DCAF8L2: variants seen among roughly 807,000 people sequenced by gnomAD.
The protein encoded by DCAF8L2 is DDB1- and CUL4-associated factor 8-like protein 2.
For synonymous variants in DCAF8L2, 200 were observed against 190.9 expected (o/e 1.05, Z -0.39); for missense variants, 430 against 490.7 (o/e 0.88, Z 1.17).
the DCAF8L2 span, among the ~76,000 whole-genome samples, chrX:27,538,042 G>T: frequency 4.4e-4 from 49 of 110,702 alleles, no homozygotes; most frequent in Non-Finnish European, 5.7e-5. Flanking sequence ...GTGTGATTAG[G>T]GTCTACAAAA....
intron 4 of DCAF8L2, among the ~76,000 whole-genome samples, chrX:27,731,512 G>A (rs1261632102): frequency 8.9e-6 from 1 of 111,736 alleles, no homozygotes; most frequent in African/African-American, 3.3e-5. Flanking sequence ...TCCTGGCAAA[G>A]ACCCTCTTCC....
At chrX:27,618,723 G>C (rs1927593891) in intron 1 of DCAF8L2, among the ~76,000 whole-genome samples, 1 of 111,267 alleles carries the variant, frequency 9.0e-6, no homozygotes, top group Non-Finnish European at 1.9e-5. Flanking sequence ...TTGTGTATGT[G>C]AAGTGATCAA....
At chrX:27,683,578 C>T (rs1161109578) in intron 3 of DCAF8L2, among the ~76,000 whole-genome samples, 1 of 112,156 alleles carries the variant, frequency 8.9e-6, no homozygotes, top group Admixed American at 9.5e-5. Context: ...GTACCATTTA[C>T]TTCCCTTTCC....
At position 27,747,502 on chromosome X, in the gene DCAF8L2, C is replaced by T. The variant is rs1186460612; in HGVS notation, c.607C>T (p.Arg203Cys). The T allele has an allele frequency of 5.9e-6, 7 of 1,177,604 alleles. No individual in the cohort carries two copies. Among genetic ancestry groups the T allele is most frequent in the Non-Finnish European group, 8.0e-6 (7 of 878,139 alleles). The change falls in exon 5 of 5, where the codon CGC (arginine) becomes TGC (cysteine). Residue 203 changes from arginine (R) to cysteine (C), a missense_variant. Physicochemically the swap from Arg to Cys is radical, Grantham distance 180. Coordinates refer to ENST00000451261, the MANE Select transcript of DCAF8L2 (RefSeq NM_001353450.2). ...LHQRQLGSRP[R>C]FVYEACGARA... ...CCAGCGGCAGCTGGGTTCACGTCCCCGCTTTGTATATGAGGCCTGTGGGGC... is the reference window on the plus strand; with the variant it reads ...CCAGCGGCAGCTGGGTTCACGTCCCTGCTTTGTATATGAGGCCTGTGGGGC...
chrX:27,497,134 A>G, the DCAF8L2 span, among the ~76,000 whole-genome samples: 48,001 of 109,681 alleles, frequency 0.44, 8,916 homozygotes, highest in South Asian at 0.67. Context: ...TATGATGATT[A>G]TTTTGTCCTG....
At chrX:27,520,532 A>G in the DCAF8L2 span, among the ~76,000 whole-genome samples, 1 of 111,979 alleles carries the variant, frequency 8.9e-6, no homozygotes, top group Non-Finnish European at 1.9e-5. Flanking sequence ...TTCATCAAAT[A>G]TCTTCTATTT....
At chrX:27,743,015 G>A (rs1921943820) in intron 4 of DCAF8L2, among the ~76,000 whole-genome samples, 1 of 112,196 alleles carries the variant, frequency 8.9e-6, no homozygotes, top group Non-Finnish European at 1.9e-5. Context: ...AGCTATGGAT[G>A]ATACCCATTT....
intron 3 of DCAF8L2, among the ~76,000 whole-genome samples, chrX:27,703,014 C>T (rs1277358159): frequency 9.0e-6 from 1 of 111,123 alleles, no homozygotes; most frequent in East Asian, 2.8e-4. Flanking sequence ...GATACAAAAC[C>T]AATACACAAA....
At chrX:27,522,922 C>G in the DCAF8L2 span, among the ~76,000 whole-genome samples, 5 of 111,654 alleles carry the variant, frequency 4.5e-5, no homozygotes, top group Non-Finnish European at 9.4e-5. Flanking sequence ...CTAGCCCGTT[C>G]ATGTACTCAT....
At chrX:27,472,639 G>A in the DCAF8L2 span, among the ~76,000 whole-genome samples, 2 of 111,182 alleles carry the variant, frequency 1.8e-5, no homozygotes, top group African/African-American at 3.3e-5. Context: ...GAGAACATGC[G>A]GTGTTTCGTT....
the DCAF8L2 span, among the ~76,000 whole-genome samples, chrX:27,547,845 T>TTTCTCTCTCTCTCTCTCTCTC: frequency 2.2e-5 from 1 of 46,288 alleles, no homozygotes; most frequent in African/African-American, 7.3e-5. Context: ...CTCTCTCTCT[T>TTTCTCTCTCTCTCTCTCTCTC]TCTCTCTCTC....
chrX:27,481,148 C>T, the DCAF8L2 span, among the ~76,000 whole-genome samples: 9 of 110,722 alleles, frequency 8.1e-5, no homozygotes, highest in African/African-American at 2.0e-4. Context: ...GAGGCCAAGG[C>T]GGGCGGATCA....
the DCAF8L2 span, among the ~76,000 whole-genome samples, chrX:27,521,328 A>G: frequency 2.7e-5 from 3 of 112,306 alleles, no homozygotes; most frequent in East Asian, 2.8e-4. Context: ...TGTGTCTGTT[A>G]AGTTGCCACA....
the DCAF8L2 span, among the ~76,000 whole-genome samples, chrX:27,475,410 A>G: frequency 8.9e-6 from 1 of 112,235 alleles, no homozygotes; most frequent in African/African-American, 3.2e-5. Flanking sequence ...TTTTATAAAC[A>G]AAAGTCACAT....
At chrX:27,515,020 T>C in the DCAF8L2 span, among the ~76,000 whole-genome samples, 2 of 111,794 alleles carry the variant, frequency 1.8e-5, no homozygotes, top group Admixed American at 9.5e-5. Flanking sequence ...TCAAGATAGA[T>C]AGAAGACTTT....
At chrX:27,483,965 A>C in the DCAF8L2 span, among the ~76,000 whole-genome samples, 1 of 111,614 alleles carries the variant, frequency 9.0e-6, no homozygotes, top group Admixed American at 9.6e-5. Context: ...GTGTATAGGA[A>C]AATTCAAGCA....
At chrX:27,535,855 T>A in the DCAF8L2 span, among the ~76,000 whole-genome samples, 2 of 112,064 alleles carry the variant, frequency 1.8e-5, no homozygotes, top group South Asian at 7.4e-4. Flanking sequence ...AGTCCACAAA[T>A]ATATATTGAA....
chrX:27,687,260 G>C (rs1475313704), intron 3 of DCAF8L2, among the ~76,000 whole-genome samples: 1 of 112,082 alleles, frequency 8.9e-6, no homozygotes, highest in African/African-American at 3.2e-5. Context: ...TATAAATGAA[G>C]TAAAATATAT....
the DCAF8L2 span, among the ~76,000 whole-genome samples, chrX:27,499,343 A>G: frequency 2.7e-5 from 3 of 112,212 alleles, no homozygotes; most frequent in African/African-American, 9.7e-5. Flanking sequence ...ACACCTTTTC[A>G]TATACCTGTT....
Sources: allele counts gnomAD v4.1 joint callset (sites outside exome capture counted in the v4.1 genomes callset), GRCh38; gene constraint gnomAD v4.1.1; transcripts MANE v1.5; gene names NCBI Gene and HGNC (gene_info 2026-07-23, HGNC 2026-07-21).